Variants in ZPBP observed in about 807,000 individuals in gnomAD.
ZPBP encodes zona pellucida-binding protein 1.
In ZPBP, 26 loss-of-function variants were observed where a neutral mutation model predicts 44.8. The ratio of observed to expected loss-of-function variants is 0.58; its 90% CI spans 0.43 to 0.81. The LOEUF (loss-of-function observed/expected upper bound fraction) is 0.81. Ranked by LOEUF, ZPBP falls within the 30% of genes least tolerant of loss-of-function variation. ZPBP has a pLI of 0.00. For missense variants in ZPBP, 409 were observed against 434.0 expected (o/e 0.94, Z 0.51); for synonymous variants, 174 against 153.2 (o/e 1.14, Z -1.00).
intron 6 of ZPBP, among the ~76,000 whole-genome samples, chr7:50,015,518 T>G (rs1358063028): frequency 1.3e-5 from 2 of 151,842 alleles, no homozygotes; most frequent in Admixed American, 6.6e-5. Context: ...CATGATGAAG[T>G]CTCCAAATGC....
At chr7:50,052,601 A>G (rs1800748887) in intron 4 of ZPBP, among the ~76,000 whole-genome samples, 1 of 152,194 alleles carries the variant, frequency 6.6e-6, no homozygotes. Flanking sequence ...CATTTTAGGT[A>G]TTTACCCCAC....
At chr7:49,993,291 G>A (rs1467932281) in intron 6 of ZPBP, among the ~76,000 whole-genome samples, 1 of 151,972 alleles carries the variant, frequency 6.6e-6, no homozygotes, top group Non-Finnish European at 1.5e-5. Context: ...TACCAAGGTA[G>A]AGCTATGAAA....
intron 1 of ZPBP, chr7:49,920,850 A>G (rs1298516519): frequency 1.3e-5 from 2 of 152,228 alleles, no homozygotes; most frequent in Admixed American, 1.3e-4. Flanking sequence ...GTACCTGATG[A>G]ATGTAAAATT....
At chr7:49,933,778 C>A (rs1202793781), downstream of ZPBP, among the ~76,000 whole-genome samples, 3 of 151,988 alleles carry the variant, frequency 2.0e-5, no homozygotes, top group Non-Finnish European at 2.9e-5. Flanking sequence ...TGGAAACCAT[C>A]ATTCTCAGCA....
chr7:49,965,983 T>C (rs950356157), intron 7 of ZPBP, among the ~76,000 whole-genome samples: 1 of 152,022 alleles, frequency 6.6e-6, no homozygotes, highest in Non-Finnish European at 1.5e-5. Flanking sequence ...ATATTAAGAT[T>C]AGACAAAGTA....
chr7:49,933,997 A>G (rs1454878983), downstream of ZPBP, among the ~76,000 whole-genome samples: 1 of 151,870 alleles, frequency 6.6e-6, no homozygotes, highest in East Asian at 1.9e-4. Context: ...GCACATGTAT[A>G]CATATGTAAC....
chr7:49,857,549 T>C (rs1479558887), intron 2 of ZPBP, among the ~76,000 whole-genome samples: 2 of 152,194 alleles, frequency 1.3e-5, no homozygotes, highest in Admixed American at 6.5e-5. Flanking sequence ...GAAGAAAAAG[T>C]GCTCAACATT....
intron 1 of ZPBP, chr7:49,920,032 T>G (rs1217666467): frequency 1.3e-5 from 2 of 152,082 alleles, no homozygotes; most frequent in African/African-American, 4.8e-5. Context: ...ATAAACATAA[T>G]GGTGTTTTTT....
intron 7 of ZPBP, among the ~76,000 whole-genome samples, chr7:49,954,173 G>C (rs1795471642): frequency 2.0e-5 from 3 of 152,078 alleles, no homozygotes; most frequent in African/African-American, 7.2e-5. Flanking sequence ...TTATAAGGGT[G>C]CCAAGTCCAT....
At position 50,081,976 on chromosome 7, in the gene ZPBP, T is replaced by C; in HGVS notation, c.209-77A>G. 2.6e-6 allele frequency: 4 copies of C among 1,527,158 alleles called. No individual in the cohort carries two copies. In the South Asian group the frequency reaches 4.6e-5, roughly 18 times the overall value. 94.6% of individuals were successfully genotyped at this position (1,527,158 alleles called of 1,614,324 possible). On this transcript the variant is annotated intron_variant, in intron 2 of 7. Coordinates refer to ENST00000046087, the MANE Select transcript of ZPBP (RefSeq NM_007009.3). ...TCTCTATAATGTACACTTTTGTAGT[T>C]TGGGTTACATGCAATAATAAGAGTA... is the stretch of plus-strand genomic sequence containing the variant.
intron 2 of ZPBP, among the ~76,000 whole-genome samples, chr7:49,888,898 C>G (rs778680069): frequency 1.3e-5 from 2 of 151,558 alleles, no homozygotes; most frequent in Non-Finnish European, 2.9e-5. Flanking sequence ...GGGACAAGAG[C>G]GAGACTTCAT....
chr7:49,879,177 T>A (rs1481447165), intron 2 of ZPBP, among the ~76,000 whole-genome samples: 1 of 152,174 alleles, frequency 6.6e-6, no homozygotes, highest in Non-Finnish European at 1.5e-5. Context: ...TCCACTTGAT[T>A]CTCTATAGTT....
chr7:49,933,403 C>T (rs1415930947), downstream of ZPBP, among the ~76,000 whole-genome samples: 1 of 152,162 alleles, frequency 6.6e-6, no homozygotes, highest in Admixed American at 6.6e-5. Flanking sequence ...ACAAAAGAAA[C>T]TTTCTTATTT....
chr7:50,066,003 G>C lies in ZPBP; in HGVS notation c.335-7862C>G, dbSNP rs549011620. ...GGTTGACATACTACTTAGTAGAGCAGTCTTTCCTGAATATAAGTGTTGGAG... is the reference window on the plus strand; with the variant it reads ...GGTTGACATACTACTTAGTAGAGCACTCTTTCCTGAATATAAGTGTTGGAG... On this transcript the variant is annotated intron_variant, in intron 3 of 7. Transcript: ENST00000046087. Among the ~76,000 whole-genome samples the C allele has an allele frequency of 5.2e-4, 79 of 151,244 alleles. 4 individuals are homozygous for C. The highest frequency in any genetic ancestry group is 2.4e-4 in the Non-Finnish European group (16 of 67,764).
intron 4 of ZPBP, among the ~76,000 whole-genome samples, chr7:50,037,334 T>A (rs1799870333): frequency 6.6e-6 from 1 of 152,240 alleles, no homozygotes; most frequent in African/African-American, 2.4e-5. Context: ...AAGAAGTCTA[T>A]CGCATGTCAG....
chr7:49,888,465 T>C (rs1052563550), intron 2 of ZPBP, among the ~76,000 whole-genome samples: 1 of 152,210 alleles, frequency 6.6e-6, no homozygotes, highest in Non-Finnish European at 1.5e-5. Context: ...TTCTAATTCA[T>C]AACATTCCAT....
chr7:50,028,161 T>C (rs1799421665), intron 5 of ZPBP, among the ~76,000 whole-genome samples: 1 of 151,920 alleles, frequency 6.6e-6, no homozygotes, highest in South Asian at 2.1e-4. Context: ...AGCAAACCAA[T>C]TCCAGCAGTA....
intron 1 of ZPBP, among the ~76,000 whole-genome samples, chr7:49,931,256 C>A (rs1562782532): frequency 6.6e-6 from 1 of 152,100 alleles, no homozygotes; most frequent in Non-Finnish European, 1.5e-5. Flanking sequence ...TGAAAAGATA[C>A]CTGAAAACGT....
chr7:49,937,248 G>T (rs1261040635), downstream of ZPBP, among the ~76,000 whole-genome samples: 1 of 151,990 alleles, frequency 6.6e-6, no homozygotes, highest in African/African-American at 2.4e-5. Flanking sequence ...GAAAAATCCT[G>T]GAAAATCTTT....
Sources: gnomAD v4.1 joint callset for allele counts (sites outside exome capture counted in the v4.1 genomes callset) on GRCh38, gnomAD v4.1.1 for gene constraint, MANE v1.5 for transcripts, NCBI Gene and HGNC (gene_info 2026-07-23, HGNC 2026-07-21) for gene names.